PLPPR2: variants seen among roughly 807,000 people sequenced by gnomAD.
PLPPR2 encodes phospholipid phosphatase-related protein type 2.
In PLPPR2, 11 loss-of-function variants were observed where a neutral mutation model predicts 40.3. The observed-to-expected ratio is 0.27, with a 90% CI of 0.17 to 0.45. The LOEUF is 0.45. Ranked by LOEUF, PLPPR2 falls within the 20% of genes least tolerant of loss-of-function variation. The probability of loss-of-function intolerance (pLI) is 1.00; values close to 1 mark genes in which losing one functional copy is unlikely to be tolerated. For synonymous variants in PLPPR2, 260 were observed against 290.8 expected (o/e 0.89, Z 1.08); for missense variants, 497 against 640.7 (o/e 0.78, Z 2.42).
Position 11,364,539 on chromosome 19 carries a change from G to T in PLPPR2, c.1208G>T (p.Gly403Val). The stretch of plus-strand genomic sequence containing the variant: ...TCGCCTTCCTCCCCTGGACCTGGGG[G>T]GCCAGGCGGGGGTGGTGGACGTGGC... ...GPSPSSPGPG[G>V]PGGGGGRGRK... is the part of the protein sequence containing the mutation. Residue 403 changes from glycine to valine, a missense_variant, in exon 10 of 10, where the codon GGG (glycine) becomes GTG (valine). Gly to Val is a moderately radical substitution (Grantham distance 109). Coordinates refer to ENST00000688289, the MANE Select transcript of PLPPR2 (RefSeq NM_001393892.1). The surrounding 1 kb of genome is among the most constrained non-coding windows in gnomAD (Gnocchi z 5.8). 6.5e-7 allele frequency: 1 copy of T among 1,535,916 alleles called. No individual in the cohort carries two copies. The highest frequency in any genetic ancestry group is 8.7e-7 in the Non-Finnish European group (1 of 1,146,194).
rs1198752377 is a variant in PLPPR2 at position 11,359,001 on chromosome 19, CA to C, written c.67-530del. On this transcript the variant is annotated intron_variant, in intron 3 of 9. Coordinates refer to ENST00000688289, the MANE Select transcript of PLPPR2 (RefSeq NM_001393892.1). The surrounding 1 kb of genome is among the most constrained non-coding windows in gnomAD (Gnocchi z 5.6). ...AAGTGCTGGGATTACAAGCATGAGC[CA>C]CGTTTTAATTTTTTTTCTTTCTTTT... Among the ~76,000 whole-genome samples the C allele has an allele frequency of 6.6e-6, 1 of 152,042 alleles. No individual in the cohort carries two copies. The highest frequency in any genetic ancestry group is 1.5e-5 in the Non-Finnish European group (1 of 68,030).
At chr19:11,358,029 CTGTGTGTGTGTGTGTG>C (rs751126799) in intron 3 of PLPPR2, among the ~76,000 whole-genome samples, 30 of 149,352 alleles carry the variant, frequency 2.0e-4, no homozygotes, top group African/African-American at 2.5e-4. Context: ...GGGCTGTTCT[CTGTGTGTGTGTGTGTG>C]TGTGTGTGTG....
At chr19:11,356,005 C>G (rs1487417137) in intron 1 of PLPPR2, among the ~76,000 whole-genome samples, 1 of 151,276 alleles carries the variant, frequency 6.6e-6, no homozygotes, top group Non-Finnish European at 1.5e-5. Flanking sequence ...GCTGCTGTCT[C>G]TGTGTGTGAC....
At chr19:11,358,582 A>T (rs1013625143) in intron 3 of PLPPR2, among the ~76,000 whole-genome samples, 1 of 148,120 alleles carries the variant, frequency 6.8e-6, no homozygotes, top group African/African-American at 2.5e-5. Flanking sequence ...CCCTCTCTCT[A>T]CAACTCCCTT....
At position 11,359,792 on chromosome 19, in the gene PLPPR2, A is replaced by G. The variant is rs1003656775; in HGVS notation, c.256-29A>G. ...GGGTGAGGGGATGGGCTGGAAGGCCAGAAGACTCCATCTTGGTCTTGCCCA... is the reference window on the plus strand; with the variant it reads ...GGGTGAGGGGATGGGCTGGAAGGCCGGAAGACTCCATCTTGGTCTTGCCCA... On this transcript the variant is annotated intron_variant, in intron 4 of 9. Transcript: ENST00000688289. The surrounding 1 kb of genome is among the most constrained non-coding windows in gnomAD (Gnocchi z 5.6). The G allele has an allele frequency of 6.3e-7, 1 of 1,595,456 alleles. No homozygotes were observed. The highest frequency in any genetic ancestry group is 8.6e-7 in the Non-Finnish European group (1 of 1,166,650).
Position 11,356,287 on chromosome 19 carries a change from T to C in PLPPR2, c.-189-515T>C, listed in dbSNP as rs538540133. ...TGCCTTGTAATTGGGGGTGTGACGCTGTGATGAGTTCTGTGACCCCCATTG... is the reference window on the plus strand; with the variant it reads ...TGCCTTGTAATTGGGGGTGTGACGCCGTGATGAGTTCTGTGACCCCCATTG... On this transcript the variant is annotated intron_variant, in intron 1 of 9. Transcript: ENST00000688289. Among the ~76,000 whole-genome samples, 22 of 152,060 alleles carry C rather than the reference T, an allele frequency of 1.4e-4. 1 individual carries two copies. In the South Asian group the frequency reaches 4.6e-3, roughly 31 times the overall value.
intron 3 of PLPPR2, among the ~76,000 whole-genome samples, chr19:11,358,826 T>C (rs1360145931): frequency 1.3e-5 from 2 of 152,062 alleles, no homozygotes; most frequent in Admixed American, 6.6e-5. Context: ...GTGATTCTCC[T>C]GCCTCAGCCT....
intron 3 of PLPPR2, 39 bp downstream of exon 3, chr19:11,357,778 ATC>A (rs1410446720): frequency 2.6e-6 from 4 of 1,530,680 alleles, no homozygotes; most frequent in Non-Finnish European, 3.6e-6. Context: ...CGGCGTGCCT[ATC>A]TCTGTCTCTG....
In PLPPR2 at chr19:11,362,785, G is replaced by C. The variant is rs1330210336; in HGVS notation, c.840+96G>C. The C allele has an allele frequency of 7.3e-7, 1 of 1,366,008 alleles. No individual in the cohort carries two copies. The highest frequency in any genetic ancestry group is 1.4e-5 in the African/African-American group (1 of 69,656). 84.6% of individuals were successfully genotyped at this position (1,366,008 alleles called of 1,614,324 possible). ...CATGATGGAGAAGGGTGTGGACTCT[G>C]TGTGACCTTGGGCCAATCCCTTAAC... On this transcript the variant is annotated intron_variant, in intron 7 of 9. Coordinates refer to ENST00000688289, the MANE Select transcript of PLPPR2 (RefSeq NM_001393892.1). This position sits in a 1 kb window ranked among gnomAD's most constrained non-coding sequence, Gnocchi z 5.3.
Position 11,357,365 on chromosome 19 carries a change from A to C in PLPPR2, c.-14-295A>C, listed in dbSNP as rs547952188. On this transcript the variant is annotated intron_variant, in intron 2 of 9. Transcript: ENST00000688289. ...AGTCTCTTCTAAAGGCCCACCTCCT[A>C]AAGGGCATTGGGTCAGAGCCTCCCA... 4.6e-5 allele frequency among the ~76,000 whole-genome samples: 7 copies of C among 152,136 alleles called. No individual in the cohort carries two copies. In the South Asian group the frequency reaches 1.5e-3, roughly 32 times the overall value.
chr19:11,358,057 G>T (rs993565732), intron 3 of PLPPR2, among the ~76,000 whole-genome samples: 1 of 29,864 alleles, frequency 3.3e-5, no homozygotes. Context: ...GTGTGTGTGT[G>T]TGTGTACGTG....
At chr19:11,357,854 T>C in intron 3 of PLPPR2, 115 bp downstream of exon 3, 1 of 791,724 alleles carries the variant, frequency 1.3e-6, no homozygotes, top group Non-Finnish European at 1.9e-6. Context: ...TGCTGTCCCC[T>C]TTCTCTTGAG....
At position 11,363,678 on chromosome 19, in the gene PLPPR2, C is replaced by G; in HGVS notation, c.841-35C>G. The stretch of plus-strand genomic sequence containing the variant: ...TTACATGGCTCCTATGTGACTTGCC[C>G]CAGGCCTCAACACTCTCCTCTCCCT... On this transcript the variant is annotated intron_variant, in intron 7 of 9. Coordinates refer to ENST00000688289, the MANE Select transcript of PLPPR2 (RefSeq NM_001393892.1). This position sits in a 1 kb window ranked among gnomAD's most constrained non-coding sequence, Gnocchi z 4.8. The G allele has an allele frequency of 3.2e-6, 5 of 1,585,580 alleles. No homozygotes were observed. Among genetic ancestry groups the G allele is most frequent in the Non-Finnish European group, 4.3e-6 (5 of 1,161,136 alleles).
intron 5 of PLPPR2, among the ~76,000 whole-genome samples, chr19:11,360,286 C>CAA (rs71164193): frequency 1.7e-3 from 143 of 85,260 alleles, no homozygotes; most frequent in African/African-American, 6.1e-3. Flanking sequence ...AACTCCGTCT[C>CAA]AAAAAAAAAA....
chr19:11,357,422 C>G (rs1967917642), intron 2 of PLPPR2, among the ~76,000 whole-genome samples: 1 of 151,858 alleles, frequency 6.6e-6, no homozygotes. Flanking sequence ...CCCCCGTAGA[C>G]TCTTGGGGAG....
Position 11,359,777 on chromosome 19 carries a change from A to T in PLPPR2, c.256-44A>T. Reference sequence around the variant, plus strand: ...TGGGCCGGTAAGGGTGGGTGAGGGGATGGGCTGGAAGGCCAGAAGACTCCA... The same window carrying T: ...TGGGCCGGTAAGGGTGGGTGAGGGGTTGGGCTGGAAGGCCAGAAGACTCCA... On this transcript the variant is annotated intron_variant, in intron 4 of 9. Transcript: ENST00000688289. The surrounding 1 kb of genome is among the most constrained non-coding windows in gnomAD (Gnocchi z 5.6). The T allele has an allele frequency of 6.3e-7, 1 of 1,585,480 alleles. No homozygotes were observed. Among genetic ancestry groups the T allele is most frequent in the Non-Finnish European group, 8.6e-7 (1 of 1,160,428 alleles).
At position 11,357,691 on chromosome 19, in the gene PLPPR2, G is replaced by A. The variant is rs140817544; in HGVS notation, c.18G>A (p.Pro6=). 5.7e-5 allele frequency: 92 copies of A among 1,606,312 alleles called. No individual in the cohort carries two copies. The African/African-American group carries it at 7.9e-4, about 14-fold the overall frequency. ...CCTTCACCATGGCGGGAGGGAGACC[G>A]CATCTGAAGAGGAGTTTCTCCATCA... is the stretch of plus-strand genomic sequence containing the variant. MAGGR[P]HLKRSFSIIP... Residue 6 remains proline, a synonymous_variant, in exon 3 of 10, where the codon CCG becomes CCA. Transcript: ENST00000688289.
In PLPPR2 at chr19:11,364,849, C is replaced by G; in HGVS notation, c.*159C>G. The G allele has an allele frequency of 2.5e-6, 2 of 799,630 alleles. No individual in the cohort carries two copies. The highest frequency in any genetic ancestry group is 4.0e-6 in the Non-Finnish European group (2 of 506,084). The allele number at this position is 799,630 out of a possible 1,614,324, so 49.5% of individuals were successfully genotyped here. ...AAGGACATTTAGGAGACATCTGCCTCTCTGGCCCTCTGAGATATCCCGATG... is the reference window on the plus strand; with the variant it reads ...AAGGACATTTAGGAGACATCTGCCTGTCTGGCCCTCTGAGATATCCCGATG... On this transcript the variant is annotated 3_prime_UTR_variant, in exon 10 of 10. Transcript: ENST00000688289. The surrounding 1 kb of genome is among the most constrained non-coding windows in gnomAD (Gnocchi z 5.8).
chr19:11,364,920 A>C lies in PLPPR2; in HGVS notation c.*230A>C, dbSNP rs557505867. 5.1e-6 allele frequency: 3 copies of C among 590,216 alleles called. No homozygotes were observed. The Admixed American group carries it at 9.7e-5, about 19-fold the overall frequency. The allele number at this position is 590,216 out of a possible 1,614,324, so 36.6% of individuals were successfully genotyped here. A position where few individuals can be genotyped will look rare whatever the true frequency, so the allele number is the denominator to read the frequency against. ...ACTTGCCCCTACTATTGCCCTTTTA[A>C]GGGCCAAAGCTTGACCCCATTGGCC... On this transcript the variant is annotated 3_prime_UTR_variant, in exon 10 of 10. Transcript: ENST00000688289. The surrounding 1 kb of genome is among the most constrained non-coding windows in gnomAD (Gnocchi z 5.8).
Sources: gnomAD v4.1 joint callset for allele counts (sites outside exome capture counted in the v4.1 genomes callset) on GRCh38, gnomAD v4.1.1 for gene constraint, Gnocchi (gnomAD v3.1) non-coding constraint, MANE v1.5 for transcripts, NCBI Gene and HGNC (gene_info 2026-07-23, HGNC 2026-07-21) for gene names.